The following PIK3R5 variants were observed in gnomAD, a reference collection of about 807,000 sequenced individuals.
The protein encoded by PIK3R5 is phosphoinositide-3-kinase regulatory subunit 5.
A neutral mutation model predicts 94.9 loss-of-function variants in PIK3R5; 32 were observed. The observed-to-expected ratio is 0.34, with a 90% CI of 0.25 to 0.45. The LOEUF is 0.45. PIK3R5 is among the 20% of genes least tolerant of loss of function. The probability of loss-of-function intolerance (pLI) is 1.00; values close to 1 mark genes in which losing one functional copy is unlikely to be tolerated. For missense variants in PIK3R5, 853 were observed against 1,144.6 expected (o/e 0.75, Z 3.68); for synonymous variants, 443 against 479.4 (o/e 0.92, Z 0.99).
At position 8,888,334 on chromosome 17, in the gene PIK3R5, C is replaced by T. The variant is rs928851102; in HGVS notation, c.1453G>A (p.Gly485Ser). The T allele has an allele frequency of 3.7e-6, 6 of 1,612,308 alleles. No homozygotes were observed. The highest frequency in any genetic ancestry group is 1.1e-5 in the South Asian group (1 of 91,040). Residue 485 changes from glycine (G) to serine (S), a missense_variant, in exon 10 of 19, where the codon GGT becomes AGT. By Grantham distance (56) the Gly-to-Ser change is moderately conservative (BLOSUM62 0). Around this residue, in one of 6 missense-constraint regions of PIK3R5, gnomAD observed 319 missense variants for 339.8 expected, o/e 0.94. Coordinates refer to ENST00000447110, the MANE Select transcript of PIK3R5 (RefSeq NM_001142633.3). This position sits in a 1 kb window ranked among gnomAD's most constrained non-coding sequence, Gnocchi z 7.8. ...RSRSLPQPKL[G>S]TQLPSWLLAP... ...AGAAGCCAGCTGGGCAGCTGGGTAC[C>T]GAGTTTGGGCTGGGGCAGGGAGCGG... is the stretch of plus-strand genomic sequence containing the variant.
chr17:8,930,027 GAAC>G (rs1389438883), intron 1 of PIK3R5, among the ~76,000 whole-genome samples: 1 of 152,178 alleles, frequency 6.6e-6, no homozygotes, highest in Non-Finnish European at 1.5e-5. Context: ...ACCACTGATA[GAAC>G]AACTGTAAAG....
In PIK3R5 at chr17:8,927,417, G is replaced by A. The variant is rs961069871; in HGVS notation, c.-13-15910C>T. Among the ~76,000 whole-genome samples the A allele has an allele frequency of 2.0e-5, 3 of 152,192 alleles. No individual in the cohort carries two copies. The South Asian group carries it at 6.2e-4, about 31-fold the overall frequency. The stretch of plus-strand genomic sequence containing the variant: ...ACTGTCTGAAGAAGCCAAGTAGATA[G>A]CCAGGTCTTTTATCTCCATTAGCGG... On this transcript the variant is annotated intron_variant, in intron 1 of 18. Coordinates refer to ENST00000447110, the MANE Select transcript of PIK3R5 (RefSeq NM_001142633.3).
chr17:8,886,959 C>T, intron 12 of PIK3R5, 137 bp downstream of exon 12: 1 of 1,008,892 alleles, frequency 9.9e-7, no homozygotes, highest in Non-Finnish European at 1.4e-6. Flanking sequence ...TTCTCACCCA[C>T]ACTCCCTGAT....
In PIK3R5 at chr17:8,890,921, A is replaced by G. The variant is rs1277130104; in HGVS notation, c.483-9T>C. On this transcript the variant is annotated splice_polypyrimidine_tract_variant and intron_variant, in intron 6 of 18. Transcript: ENST00000447110. This position sits in a 1 kb window ranked among gnomAD's most constrained non-coding sequence, Gnocchi z 6.1. ...TCAGCAGCAGCACGGTGCTGGGGAC[A>G]CAGGGGACCGGCTATGGCACCCAGG... The G allele has an allele frequency of 3.1e-6, 5 of 1,612,548 alleles. No individual in the cohort carries two copies. Among genetic ancestry groups the G allele is most frequent in the Middle Eastern group, 1.7e-4 (1 of 5,952 alleles).
intron 1 of PIK3R5, among the ~76,000 whole-genome samples, chr17:8,933,716 TA>T (rs1294316063): frequency 1.6e-4 from 25 of 151,868 alleles, no homozygotes; most frequent in African/African-American, 5.1e-4. Flanking sequence ...CCGAAATAAG[TA>T]AAAATATATA....
chr17:8,886,102 G>A, intron 14 of PIK3R5, 127 bp downstream of exon 14: 1 of 716,874 alleles, frequency 1.4e-6, no homozygotes, highest in African/African-American at 1.7e-5. Flanking sequence ...TCTCCCCAGG[G>A]GCCTACCTCC....
At chr17:8,954,264 C>T (rs1295120367) in intron 1 of PIK3R5, among the ~76,000 whole-genome samples, 1 of 152,156 alleles carries the variant, frequency 6.6e-6, no homozygotes, top group African/African-American at 2.4e-5. Context: ...GCAAATTAAT[C>T]AGTTAGTAAT....
chr17:8,965,230 C>T (rs941993989), intron 1 of PIK3R5, among the ~76,000 whole-genome samples: 3 of 152,232 alleles, frequency 2.0e-5, no homozygotes, highest in African/African-American at 7.2e-5. Flanking sequence ...CCCACGCTCA[C>T]GGACAGTTCC....
rs2090148976 is a variant in PIK3R5 at position 8,896,158 on chromosome 17, A to G, written c.413-2503T>C. ...TACTGCCGAGTCCCCATTTGCTGGT[A>G]TGTGCTGTGAGGTTGGAAATATCTC... On this transcript the variant is annotated intron_variant, in intron 5 of 18. Transcript: ENST00000447110. The surrounding 1 kb of genome is among the most constrained non-coding windows in gnomAD (Gnocchi z 4.0). Among the ~76,000 whole-genome samples the G allele has an allele frequency of 6.6e-6, 1 of 152,168 alleles. No homozygotes were observed. The highest frequency in any genetic ancestry group is 2.4e-5 in the African/African-American group (1 of 41,434).
At chr17:8,883,217 A>AAATTAG (rs2089723776) in intron 15 of PIK3R5, among the ~76,000 whole-genome samples, 1 of 152,178 alleles carries the variant, frequency 6.6e-6, no homozygotes, top group Non-Finnish European at 1.5e-5. Context: ...AAGATACAAA[A>AAATTAG]AATTAGCCGG....
intron 1 of PIK3R5, among the ~76,000 whole-genome samples, chr17:8,914,138 A>G (rs1233184837): frequency 6.6e-6 from 1 of 152,140 alleles, no homozygotes; most frequent in Non-Finnish European, 1.5e-5. Flanking sequence ...CCCAGATGTG[A>G]CAGCGACCCT....
chr17:8,953,012 C>A (rs2091403509), intron 1 of PIK3R5, among the ~76,000 whole-genome samples: 1 of 152,306 alleles, frequency 6.6e-6, no homozygotes, highest in South Asian at 2.1e-4. Flanking sequence ...AAGGAGCATT[C>A]TTGACCAGCT....
chr17:8,956,248 A>G (rs934986543), intron 1 of PIK3R5, among the ~76,000 whole-genome samples: 1 of 151,928 alleles, frequency 6.6e-6, no homozygotes, highest in Non-Finnish European at 1.5e-5. Flanking sequence ...GGAAGAGACT[A>G]TTGGAACTTG....
At position 8,884,847 on chromosome 17, in the gene PIK3R5, G is replaced by T; in HGVS notation, c.2129-64C>A. 1 of 1,429,766 alleles carries T rather than the reference G, an allele frequency of 7.0e-7. No homozygotes were observed. Among genetic ancestry groups the T allele is most frequent in the Non-Finnish European group, 9.8e-7 (1 of 1,020,976 alleles). The allele number at this position is 1,429,766 out of a possible 1,614,324, so 88.6% of individuals were successfully genotyped here. A position where few individuals can be genotyped will look rare whatever the true frequency, so the allele number is the denominator to read the frequency against. The stretch of plus-strand genomic sequence containing the variant: ...TTCCCCGGCTCCTCACGAACGCAGT[G>T]GCCTTGCCTCCCTGGGCCTTACCTC... On this transcript the variant is annotated intron_variant, in intron 14 of 18. Transcript: ENST00000447110. This position sits in a 1 kb window ranked among gnomAD's most constrained non-coding sequence, Gnocchi z 5.8.
chr17:8,888,135 C>T lies in PIK3R5; in HGVS notation c.1616+36G>A, dbSNP rs778458903. 6.2e-7 allele frequency: 1 copy of T among 1,603,982 alleles called. No individual in the cohort carries two copies. The highest frequency in any genetic ancestry group is 1.7e-5 in the Admixed American group (1 of 59,916). Reference sequence around the variant, plus strand: ...TCCACCAGCACAACAACCCTGTTACCCAGGGCAGAGGGATGCTCCGCATTA... The same window carrying T: ...TCCACCAGCACAACAACCCTGTTACTCAGGGCAGAGGGATGCTCCGCATTA... On this transcript the variant is annotated intron_variant, in intron 10 of 18. Coordinates refer to ENST00000447110, the MANE Select transcript of PIK3R5 (RefSeq NM_001142633.3). The surrounding 1 kb of genome is among the most constrained non-coding windows in gnomAD (Gnocchi z 7.8).
intron 1 of PIK3R5, among the ~76,000 whole-genome samples, chr17:8,960,957 G>A (rs1166166404): frequency 6.6e-6 from 1 of 151,764 alleles, no homozygotes; most frequent in Non-Finnish European, 1.5e-5. Flanking sequence ...ACGCCATGCT[G>A]AACATCAAGT....
chr17:8,890,264 G>A lies in PIK3R5; in HGVS notation c.658-138C>T, dbSNP rs2067800838. On this transcript the variant is annotated intron_variant, in intron 7 of 18. Coordinates refer to ENST00000447110, the MANE Select transcript of PIK3R5 (RefSeq NM_001142633.3). The surrounding 1 kb of genome is among the most constrained non-coding windows in gnomAD (Gnocchi z 6.1). ...CATCACCCATCTCCTACCCACAGCT[G>A]GCCAGGCAGCCAGGCCTCTCCCTGC... The A allele has an allele frequency of 2.3e-6, 2 of 859,060 alleles. No homozygotes were observed. The highest frequency in any genetic ancestry group is 4.7e-5 in the Admixed American group (2 of 42,576). 53.2% of individuals were successfully genotyped at this position (859,060 alleles called of 1,614,324 possible).
In PIK3R5 at chr17:8,888,602, G is replaced by A. The variant is rs148816437; in HGVS notation, c.1185C>T (p.Ser395=). The A allele has an allele frequency of 2.4e-4, 382 of 1,612,294 alleles. No individual in the cohort carries two copies. The highest frequency in any genetic ancestry group is 2.0e-3 in the African/African-American group (148 of 75,046). Residue 395 remains serine, a synonymous_variant, in exon 10 of 19, where the codon AGC becomes AGT. Transcript: ENST00000447110. This position sits in a 1 kb window ranked among gnomAD's most constrained non-coding sequence, Gnocchi z 7.8. ...AAGGCCACTCGGAGGAGCTCTCCTC[G>A]CTGTCCTCCACGTAGCCGCTGTCCA... ...DGMDSGYVED[S]EESSSEWPWR... is the part of the protein sequence containing the mutation.
intron 6 of PIK3R5, 97 bp from the exon 7 acceptor site, chr17:8,891,009 G>C (rs973498328): frequency 9.2e-6 from 11 of 1,197,266 alleles, no homozygotes; most frequent in African/African-American, 1.5e-5. Flanking sequence ...GCTCCACTGA[G>C]ACCAGGGCCT....
Sources: gnomAD v4.1 joint callset for allele counts (sites outside exome capture counted in the v4.1 genomes callset) on GRCh38, gnomAD v4.1.1 for gene constraint, gnomAD v4.1.1 regional missense constraint, Gnocchi (gnomAD v3.1) non-coding constraint, MANE v1.5 for transcripts, NCBI Gene and HGNC (gene_info 2026-07-23, HGNC 2026-07-21) for gene names.